SH3RF2: variants seen among roughly 807,000 people sequenced by gnomAD.
SH3RF2 encodes the protein SH3 domain containing ring finger 2, also known as E3 ubiquitin-protein ligase SH3RF2.
Under a neutral mutation model 59.0 loss-of-function variants are expected in SH3RF2, and 43 were observed. The ratio of observed to expected loss-of-function variants is 0.73; its 90% CI spans 0.57 to 0.94. The LOEUF is 0.94. SH3RF2 is among the 40% of genes least tolerant of loss of function. The pLI is 0.00. For missense variants in SH3RF2, 930 were observed against 940.1 expected (o/e 0.99, Z 0.14); for synonymous variants, 391 against 391.5 (o/e 1.00, Z 0.01).
At chr5:146,070,263 G>C (rs946502500) in intron 9 of SH3RF2, among the ~76,000 whole-genome samples, 1 of 152,184 alleles carries the variant, frequency 6.6e-6, no homozygotes, top group African/African-American at 2.4e-5. Flanking sequence ...GTTGAGATTG[G>C]AGAGCATGGA....
chr5:146,070,104 C>T (rs1009751724), intron 9 of SH3RF2, among the ~76,000 whole-genome samples: 1 of 152,066 alleles, frequency 6.6e-6, no homozygotes, highest in South Asian at 2.1e-4. Flanking sequence ...TTCTACCCAA[C>T]CCTATGACAG....
intron 2 of SH3RF2, among the ~76,000 whole-genome samples, chr5:145,952,455 T>C (rs1295610459): frequency 6.6e-6 from 1 of 152,178 alleles, no homozygotes; most frequent in Non-Finnish European, 1.5e-5. Flanking sequence ...CATCTCACAT[T>C]CTGTGGGGGA....
At chr5:146,054,037 CT>C (rs1417080607) in intron 7 of SH3RF2, among the ~76,000 whole-genome samples, 1 of 152,194 alleles carries the variant, frequency 6.6e-6, no homozygotes, top group African/African-American at 2.4e-5. Flanking sequence ...CTCTTCCCAC[CT>C]AAGCCCAGAA....
chr5:146,041,013 G>A (rs6896268), intron 5 of SH3RF2, among the ~76,000 whole-genome samples: 50,615 of 152,004 alleles, frequency 0.33, 8,930 homozygotes, highest in Non-Finnish European at 0.39. Context: ...TGCCTCCTCC[G>A]TATGACCCCT....
intron 5 of SH3RF2, among the ~76,000 whole-genome samples, chr5:146,044,133 GTTTTTGTTTT>G (rs1157799322): frequency 1.3e-5 from 2 of 150,520 alleles, no homozygotes; most frequent in African/African-American, 2.4e-5. Context: ...TGATTGGTCC[GTTTTTGTTTT>G]TTTTTGTTTT....
rs541024578 is a variant in SH3RF2 at position 145,958,125 on chromosome 5, C to A, written c.378+19819C>A. ...CAAAACTCCATCTCAAAAAAAAAAA[C>A]AAAAAAACAAAACAAAACAAAAAAA... On this transcript the variant is annotated intron_variant, in intron 2 of 9. Transcript: ENST00000359120. 6.6e-5 allele frequency among the ~76,000 whole-genome samples: 10 copies of A among 150,820 alleles called. No homozygotes were observed. The South Asian group carries it at 1.1e-3, about 16-fold the overall frequency.
intron 2 of SH3RF2, among the ~76,000 whole-genome samples, chr5:145,959,047 CAGAG>C (rs1373594106): frequency 2.6e-5 from 4 of 152,030 alleles, no homozygotes; most frequent in Non-Finnish European, 5.9e-5. Flanking sequence ...AAAAGCTGTC[CAGAG>C]AGACACAGAA....
Position 146,059,961 on chromosome 5 carries a change from T to A in SH3RF2, c.1651T>A (p.Phe551Ile), listed in dbSNP as rs777442827. The A allele has an allele frequency of 1.3e-6, 2 of 1,559,806 alleles. No homozygotes were observed. The highest frequency in any genetic ancestry group is 1.7e-6 in the Non-Finnish European group (2 of 1,153,150). ...SPTMVLRPQQ[F>I]QFYQPQGIPS... ...CACCATGGTCCTTCGGCCTCAGCAG[T>A]TCCAATTCTACCAGCCACAGGGGAT... is the stretch of plus-strand genomic sequence containing the variant. Residue 551 changes from phenylalanine to isoleucine, a missense_variant, in exon 9 of 10, where the codon TTC (phenylalanine) becomes ATC (isoleucine). Physicochemically the swap from Phe to Ile is conservative, Grantham distance 21. Transcript: ENST00000359120.
chr5:145,997,704 G>A, intron 2 of SH3RF2: 16 of 1,566,898 alleles, frequency 1.0e-5, no homozygotes, highest in Non-Finnish European at 1.4e-5. Flanking sequence ...AGGGAAAAAG[G>A]TATATGCTAC....
intron 9 of SH3RF2, among the ~76,000 whole-genome samples, chr5:146,077,438 G>A (rs1474672989): frequency 1.3e-5 from 2 of 152,118 alleles, no homozygotes; most frequent in South Asian, 2.1e-4. Flanking sequence ...ATAAATGTTT[G>A]CTAAAACAGT....
rs566276116 is a variant in SH3RF2, at chr5:146,044,851, T to G, written c.1060-2921T>G. 8.5e-4 allele frequency among the ~76,000 whole-genome samples: 129 copies of G among 152,192 alleles called. 1 individual carries two copies. Among genetic ancestry groups the G allele is most frequent in the South Asian group, 1.9e-3 (9 of 4,820 alleles). ...GCTAACATCCTTTCCCATTCCCTAT[T>G]AGAAATAATGTCATCACAAGCCCAC... On this transcript the variant is annotated intron_variant, in intron 5 of 9. Coordinates refer to ENST00000359120, the MANE Select transcript of SH3RF2 (RefSeq NM_152550.4).
At chr5:146,008,172 A>C (rs1021498818) in intron 4 of SH3RF2, among the ~76,000 whole-genome samples, 3 of 152,226 alleles carry the variant, frequency 2.0e-5, no homozygotes, top group Admixed American at 2.0e-4. Flanking sequence ...GGGTTATATG[A>C]ACTTTGCTCA....
rs72818446 is a variant in SH3RF2 at position 145,963,575 on chromosome 5, A to G, written c.378+25269A>G. The stretch of plus-strand genomic sequence containing the variant: ...AAGGTATCATAACCATATTGAAAAC[A>G]GATGGAACACAGTACATTTAAACTA... On this transcript the variant is annotated intron_variant, in intron 2 of 9. Coordinates refer to ENST00000359120, the MANE Select transcript of SH3RF2 (RefSeq NM_152550.4). Among the ~76,000 whole-genome samples, 446 of 152,362 alleles carry G rather than the reference A, an allele frequency of 2.9e-3. 3 individuals are homozygous for G. Among genetic ancestry groups the G allele is most frequent in the Non-Finnish European group, 5.4e-3 (369 of 68,044 alleles).
At chr5:146,017,918 A>G (rs558094645) in intron 5 of SH3RF2, among the ~76,000 whole-genome samples, 2 of 152,168 alleles carry the variant, frequency 1.3e-5, no homozygotes, top group African/African-American at 4.8e-5. Context: ...CTCTTCCCCA[A>G]ACCATTAATG....
At chr5:145,953,121 C>G (rs1301541187) in intron 2 of SH3RF2, among the ~76,000 whole-genome samples, 1 of 142,620 alleles carries the variant, frequency 7.0e-6, no homozygotes, top group Non-Finnish European at 1.5e-5. Context: ...CTCTCTCTCT[C>G]TGTCACACAC....
At chr5:145,960,838 A>G (rs1225363851) in intron 2 of SH3RF2, among the ~76,000 whole-genome samples, 1 of 152,242 alleles carries the variant, frequency 6.6e-6, no homozygotes, top group African/African-American at 2.4e-5. Flanking sequence ...ATAAAGACAC[A>G]TTAGCAGGGT....
intron 2 of SH3RF2, among the ~76,000 whole-genome samples, chr5:145,971,681 T>G (rs1055611941): frequency 1.3e-5 from 2 of 152,180 alleles, no homozygotes; most frequent in Non-Finnish European, 2.9e-5. Context: ...TCCACAAGGA[T>G]TGACCAGCTG....
chr5:145,989,312 CTAGCT>C (rs1029354342), intron 2 of SH3RF2, among the ~76,000 whole-genome samples: 19 of 152,194 alleles, frequency 1.2e-4, no homozygotes, highest in Non-Finnish European at 2.9e-5. Flanking sequence ...CTTCTTTTCC[CTAGCT>C]CATCCAATAG....
chr5:145,961,174 CTTTTTTTTTT>C (rs869156939), intron 2 of SH3RF2, among the ~76,000 whole-genome samples: 5 of 90,984 alleles, frequency 5.5e-5, no homozygotes, highest in Admixed American at 1.2e-4. Flanking sequence ...CTGCATCCTC[CTTTTTTTTTT>C]TTTTTTTTTT....
Sources: allele counts gnomAD v4.1 joint callset (sites outside exome capture counted in the v4.1 genomes callset), GRCh38; gene constraint gnomAD v4.1.1; transcripts MANE v1.5; gene names NCBI Gene and HGNC (gene_info 2026-07-23, HGNC 2026-07-21).